The following RBFOX1 variants were observed in gnomAD, a reference collection of about 807,000 sequenced individuals.
The protein encoded by RBFOX1 is RNA binding protein fox-1 homolog 1.
In RBFOX1, 8 loss-of-function variants were observed where a neutral mutation model predicts 57.7. That is an observed-to-expected ratio of 0.14 (90% confidence interval 0.08 to 0.25). The LOEUF (loss-of-function observed/expected upper bound fraction) is 0.25. Ranked by LOEUF, RBFOX1 falls within the 10% of genes least tolerant of loss-of-function variation. The probability of loss-of-function intolerance (pLI) is 1.00; values close to 1 mark genes in which losing one functional copy is unlikely to be tolerated. For missense variants in RBFOX1, 611 were observed against 548.5 expected (o/e 1.11, Z -1.14); for synonymous variants, 326 against 222.4 (o/e 1.47, Z -4.15).
chr16:6,192,821 A>C (rs1268474893), intron 1 of RBFOX1, among the ~76,000 whole-genome samples: 4 of 152,214 alleles, frequency 2.6e-5, no homozygotes, highest in Non-Finnish European at 4.4e-5. Context: ...TTCCGTAAAC[A>C]TTGTTTATTA....
chr16:6,634,590 T>G (rs2098416023), intron 2 of RBFOX1, among the ~76,000 whole-genome samples: 1 of 146,234 alleles, frequency 6.8e-6, no homozygotes, highest in African/African-American at 2.5e-5. Context: ...TTCAAATATA[T>G]AATATTAATC....
At chr16:7,511,722 G>T (rs1253003939) in intron 4 of RBFOX1, among the ~76,000 whole-genome samples, 1 of 152,106 alleles carries the variant, frequency 6.6e-6, no homozygotes, top group East Asian at 1.9e-4. Context: ...CTTAAGTAAT[G>T]ACAGGTTTCC....
intron 1 of RBFOX1, among the ~76,000 whole-genome samples, chr16:5,309,301 C>G (rs1203825752): frequency 4.6e-5 from 7 of 152,098 alleles, no homozygotes; most frequent in Non-Finnish European, 7.4e-5. Context: ...CTCTTTCTCT[C>G]TGTATTATTT....
In RBFOX1 at chr16:6,654,575, A is replaced by C. The variant is rs547631630; in HGVS notation, c.-63-28A>C. ...AAGTCTGACTCCTGTTCTTTCTCTC[A>C]CTTTCCTTTCTTTTCTTCTCTTCTC... On this transcript the variant is annotated intron_variant, in intron 2 of 15. Coordinates refer to ENST00000550418, the MANE Select transcript of RBFOX1 (RefSeq NM_018723.4). The C allele has an allele frequency of 4.7e-6, 7 of 1,493,338 alleles. 1 individual carries two copies. In the African/African-American group the frequency reaches 9.9e-5, roughly 21 times the overall value. The allele number at this position is 1,493,338 out of a possible 1,614,324, so 92.5% of individuals were successfully genotyped here. A position where few individuals can be genotyped will look rare whatever the true frequency, so the allele number is the denominator to read the frequency against.
chr16:6,989,528 A>G lies in RBFOX1; in HGVS notation c.-15-62529A>G, dbSNP rs138626923. Reference sequence around the variant, plus strand: ...AGATAAACTGATTTATTAGTTGCCTATCAATTTATACGTAGTACCAGGGAT... The same window carrying G: ...AGATAAACTGATTTATTAGTTGCCTGTCAATTTATACGTAGTACCAGGGAT... On this transcript the variant is annotated intron_variant, in intron 3 of 15. Coordinates refer to ENST00000550418, the MANE Select transcript of RBFOX1 (RefSeq NM_018723.4). Among the ~76,000 whole-genome samples the G allele has an allele frequency of 9.3e-3, 1,410 of 152,282 alleles. 29 individuals carry two copies. The highest frequency in any genetic ancestry group is 0.032 in the African/African-American group (1,345 of 41,552).
chr16:6,340,215 C>G (rs1004950412), intron 2 of RBFOX1, among the ~76,000 whole-genome samples: 1 of 152,016 alleles, frequency 6.6e-6, no homozygotes, highest in African/African-American at 2.4e-5. Flanking sequence ...GCTAAGGGGT[C>G]ACGAAACAGG....
At chr16:6,113,385 T>G (rs1465700535) in intron 1 of RBFOX1, among the ~76,000 whole-genome samples, 1 of 152,176 alleles carries the variant, frequency 6.6e-6, no homozygotes, top group African/African-American at 2.4e-5. Flanking sequence ...ACTGATGTGT[T>G]TTTTAATACT....
At chr16:5,795,798 C>T (rs981884192) in intron 3 of RBFOX1, among the ~76,000 whole-genome samples, 15 of 152,210 alleles carry the variant, frequency 9.9e-5, no homozygotes, top group African/African-American at 3.6e-4. Flanking sequence ...CCATTCTCCC[C>T]TTCTGTTTAC....
At chr16:6,674,070 C>G (rs2098785164) in intron 3 of RBFOX1, among the ~76,000 whole-genome samples, 2 of 152,126 alleles carry the variant, frequency 1.3e-5, no homozygotes, top group South Asian at 4.1e-4. Flanking sequence ...GTAGGAGATT[C>G]AGCACTCTCT....
At chr16:7,411,981 G>A (rs946820812) in intron 4 of RBFOX1, among the ~76,000 whole-genome samples, 1 of 150,756 alleles carries the variant, frequency 6.6e-6, no homozygotes, top group African/African-American at 2.4e-5. Flanking sequence ...AGTCACGGCC[G>A]CCCAGATGCC....
chr16:6,918,035 C>G (rs1430140922), intron 3 of RBFOX1, among the ~76,000 whole-genome samples: 1 of 152,098 alleles, frequency 6.6e-6, no homozygotes, highest in South Asian at 2.1e-4. Context: ...GCCTGTAATC[C>G]CAGCACTTTG....
At chr16:7,261,943 T>G (rs2094934967) in intron 4 of RBFOX1, among the ~76,000 whole-genome samples, 1 of 152,162 alleles carries the variant, frequency 6.6e-6, no homozygotes, top group African/African-American at 2.4e-5. Flanking sequence ...AAGTCACTAG[T>G]TAAGGGGTGG....
At chr16:6,602,301 T>C (rs2097862663) in intron 2 of RBFOX1, among the ~76,000 whole-genome samples, 1 of 152,218 alleles carries the variant, frequency 6.6e-6, no homozygotes, top group Non-Finnish European at 1.5e-5. Context: ...GTGTCTTTGA[T>C]TTGCTAAAGT....
At chr16:7,654,267 C>T (rs1597383296) in intron 12 of RBFOX1, among the ~76,000 whole-genome samples, 1 of 152,296 alleles carries the variant, frequency 6.6e-6, no homozygotes, top group East Asian at 1.9e-4. Flanking sequence ...TGATTGCAAA[C>T]ATCTGGTTAT....
At position 7,154,361 on chromosome 16, in the gene RBFOX1, C is replaced by T. The variant is rs2076677220; in HGVS notation, c.27+102263C>T. Among the ~76,000 whole-genome samples the T allele has an allele frequency of 2.0e-5, 3 of 152,308 alleles. 1 individual carries two copies. The South Asian group carries it at 6.2e-4, about 32-fold the overall frequency. On this transcript the variant is annotated intron_variant, in intron 4 of 15. Coordinates refer to ENST00000550418, the MANE Select transcript of RBFOX1 (RefSeq NM_018723.4). ...ATCTCTGCCTGGGAGATTAGAAAAACTACCACTGAAGAGTGTGACACACAT... is the reference window on the plus strand; with the variant it reads ...ATCTCTGCCTGGGAGATTAGAAAAATTACCACTGAAGAGTGTGACACACAT...
At chr16:6,493,997 G>A (rs1026827375) in intron 2 of RBFOX1, among the ~76,000 whole-genome samples, 1 of 152,120 alleles carries the variant, frequency 6.6e-6, no homozygotes, top group Non-Finnish European at 1.5e-5. Context: ...GAAGGTTGGC[G>A]ATCATTCCAG....
intron 1 of RBFOX1, among the ~76,000 whole-genome samples, chr16:6,266,398 A>T (rs2074496334): frequency 6.6e-6 from 1 of 152,180 alleles, no homozygotes; most frequent in African/African-American, 2.4e-5. Context: ...GCAGAATCTC[A>T]GAATCTAAGA....
At chr16:5,775,920 C>G (rs2054132110) in intron 3 of RBFOX1, among the ~76,000 whole-genome samples, 1 of 152,144 alleles carries the variant, frequency 6.6e-6, no homozygotes, top group African/African-American at 2.4e-5. Context: ...TGTCTCTGGA[C>G]CTTGAGGTGC....
At chr16:7,363,515 G>T (rs969167675) in intron 4 of RBFOX1, among the ~76,000 whole-genome samples, 1 of 152,022 alleles carries the variant, frequency 6.6e-6, no homozygotes, top group African/African-American at 2.4e-5. Context: ...ATAAGTAAAG[G>T]CCGGGATCTT....
Sources: gnomAD v4.1 joint callset for allele counts (sites outside exome capture counted in the v4.1 genomes callset) on GRCh38, gnomAD v4.1.1 for gene constraint, MANE v1.5 for transcripts, NCBI Gene and HGNC (gene_info 2026-07-23, HGNC 2026-07-21) for gene names.